Variants in CARMIL1 observed in about 807,000 individuals in gnomAD.
CARMIL1 encodes the protein F-actin-uncapping protein LRRC16A.
In CARMIL1, 90 loss-of-function variants were observed where a neutral mutation model predicts 177.1. The observed-to-expected ratio is 0.51, with a 90% CI of 0.43 to 0.61. CARMIL1 has a LOEUF of 0.61. CARMIL1 is among the 20% of genes least tolerant of loss of function. The pLI is 0.00. For missense variants in CARMIL1, 1,380 were observed against 1,667.0 expected, an observed-to-expected ratio of 0.83 and a Z score of 3.00; for synonymous variants, 577 against 606.2, an observed-to-expected ratio of 0.95 and a Z score of 0.71.
At chr6:25,546,715 A>C (rs1744251333) in intron 26 of CARMIL1, among the ~76,000 whole-genome samples, 1 of 151,668 alleles carries the variant, frequency 6.6e-6, no homozygotes, top group South Asian at 2.1e-4. Flanking sequence ...TGTCAGCAAC[A>C]ACTAGTTAGA....
chr6:25,488,871 C>G (rs1802925205), intron 13 of CARMIL1, among the ~76,000 whole-genome samples: 1 of 151,852 alleles, frequency 6.6e-6, no homozygotes, highest in African/African-American at 2.4e-5. Context: ...CATTTAAAAA[C>G]ATTAGCTTAC....
chr6:25,326,159 C>T lies in CARMIL1; in HGVS notation c.138+41250C>T, dbSNP rs567400536. 6.6e-5 allele frequency among the ~76,000 whole-genome samples: 10 copies of T among 152,236 alleles called. No individual in the cohort carries two copies. In the East Asian group the frequency reaches 7.7e-4, roughly 12 times the overall value. On this transcript the variant is annotated intron_variant, in intron 2 of 36. Coordinates refer to ENST00000329474, the MANE Select transcript of CARMIL1 (RefSeq NM_017640.6). The surrounding 1 kb of genome is among the most constrained non-coding windows in gnomAD (Gnocchi z 4.2). ...CTGGGATTACAGGCGTGAGCCACTG[C>T]GCTCGGCCTAGATGAGACATTTTTG...
rs74858699 is a variant in CARMIL1, at chr6:25,308,377, A to T, written c.138+23468A>T. 5.7e-3 allele frequency among the ~76,000 whole-genome samples: 673 copies of T among 118,818 alleles called. 3 individuals are homozygous for T. The highest frequency in any genetic ancestry group is 0.017 in the African/African-American group (509 of 30,586). The allele number at this position is 118,818 out of a possible 152,430, so 77.9% of individuals were successfully genotyped here. A position where few individuals can be genotyped will look rare whatever the true frequency, so the allele number is the denominator to read the frequency against. On this transcript the variant is annotated intron_variant, in intron 2 of 36. Coordinates refer to ENST00000329474, the MANE Select transcript of CARMIL1 (RefSeq NM_017640.6). The stretch of plus-strand genomic sequence containing the variant: ...CCGTGAGAAGGACTATTGTACAACC[A>T]TTTTTTTTTTTTTTTTTTTTTTGAG...
chr6:25,478,847 A>G (rs571849182), intron 11 of CARMIL1, among the ~76,000 whole-genome samples: 136 of 151,520 alleles, frequency 9.0e-4, no homozygotes, highest in African/African-American at 3.2e-3. Context: ...TAAAAGTTGG[A>G]AGTATTGACT....
At chr6:25,414,506 T>C (rs1795201169) in intron 2 of CARMIL1, among the ~76,000 whole-genome samples, 1 of 152,176 alleles carries the variant, frequency 6.6e-6, no homozygotes, top group Non-Finnish European at 1.5e-5. Flanking sequence ...GTGTGTGTAC[T>C]ATAAATCCTC....
chr6:25,329,616 A>G (rs1785424953), intron 2 of CARMIL1, among the ~76,000 whole-genome samples: 1 of 152,244 alleles, frequency 6.6e-6, no homozygotes, highest in Non-Finnish European at 1.5e-5. Context: ...GATATGGCTG[A>G]GAGGAAGCAC....
At chr6:25,471,855 G>A (rs1286498036) in intron 10 of CARMIL1, among the ~76,000 whole-genome samples, 1 of 152,130 alleles carries the variant, frequency 6.6e-6, no homozygotes, top group Non-Finnish European at 1.5e-5. Flanking sequence ...ACTGTTAAGA[G>A]CATAAGAGTT....
chr6:25,474,389 A>G (rs1403475970), intron 11 of CARMIL1, among the ~76,000 whole-genome samples: 1 of 152,102 alleles, frequency 6.6e-6, no homozygotes, highest in East Asian at 1.9e-4. Context: ...TGCTGGGATT[A>G]CAGGCGTGAG....
At position 25,510,574 on chromosome 6, in the gene CARMIL1, G is replaced by A. The variant is rs779890491; in HGVS notation, c.1545G>A (p.Ala515=). Residue 515 remains alanine, a synonymous_variant, in exon 19 of 37, where the codon GCG becomes GCA. Coordinates refer to ENST00000329474, the MANE Select transcript of CARMIL1 (RefSeq NM_017640.6). ...LSKNRSIQHL[A]LGKNFNNMKS... Reference sequence around the variant, plus strand: ...AAAACAGATCAATACAACACCTGGCGTTAGGCAAAAATTTTAATAATATGA... The same window carrying A: ...AAAACAGATCAATACAACACCTGGCATTAGGCAAAAATTTTAATAATATGA... 1.8e-5 allele frequency: 28 copies of A among 1,554,980 alleles called. No homozygotes were observed. Among genetic ancestry groups the A allele is most frequent in the East Asian group, 1.2e-4 (5 of 41,782 alleles).
intron 5 of CARMIL1, among the ~76,000 whole-genome samples, chr6:25,445,582 T>C (rs1053498655): frequency 6.6e-6 from 1 of 151,200 alleles, no homozygotes; most frequent in African/African-American, 2.4e-5. Flanking sequence ...TTACCCAGGC[T>C]GGAGTGCAGT....
chr6:25,449,394 G>T (rs371791856), intron 5 of CARMIL1, among the ~76,000 whole-genome samples: 70 of 152,292 alleles, frequency 4.6e-4, no homozygotes, highest in African/African-American at 1.5e-3. Context: ...AGGATGGGGG[G>T]TTGGGAGGAG....
chr6:25,556,604 C>A, intron 28 of CARMIL1, 97 bp from the exon 29 acceptor site: 2 of 1,124,104 alleles, frequency 1.8e-6, no homozygotes, highest in Non-Finnish European at 2.5e-6. Flanking sequence ...GCTTTGTGCT[C>A]CACTGCGCCA....
intron 2 of CARMIL1, among the ~76,000 whole-genome samples, chr6:25,333,556 A>T (rs558458227): frequency 2.2e-4 from 33 of 152,342 alleles, no homozygotes; most frequent in African/African-American, 7.5e-4. Flanking sequence ...ACAGAGCAAG[A>T]CACTGTGTAA....
chr6:25,341,443 G>A (rs1786925549), intron 2 of CARMIL1, among the ~76,000 whole-genome samples: 1 of 152,218 alleles, frequency 6.6e-6, no homozygotes, highest in African/African-American at 2.4e-5. Context: ...CAGAATGCCG[G>A]CTGAGCATGG....
chr6:25,438,286 A>AT (rs1797404330), intron 5 of CARMIL1, among the ~76,000 whole-genome samples: 1 of 152,094 alleles, frequency 6.6e-6, no homozygotes, highest in Non-Finnish European at 1.5e-5. Flanking sequence ...CTATTTATTG[A>AT]TTTTCTACTA....
chr6:25,610,279 G>A (rs962109299), intron 36 of CARMIL1, 98 bp downstream of exon 36: 1 of 1,343,814 alleles, frequency 7.4e-7, no homozygotes, highest in Non-Finnish European at 9.7e-7. Context: ...TAATATCTTA[G>A]AGTTTGTTAA....
At chr6:25,327,369 G>A (rs142275095) in intron 2 of CARMIL1, among the ~76,000 whole-genome samples, 27 of 152,280 alleles carry the variant, frequency 1.8e-4, no homozygotes, top group African/African-American at 6.5e-4. Context: ...ATGATGAAGC[G>A]GAGATTTGTA....
intron 2 of CARMIL1, among the ~76,000 whole-genome samples, chr6:25,399,678 G>C (rs1793727203): frequency 6.6e-6 from 1 of 152,156 alleles, no homozygotes; most frequent in African/African-American, 2.4e-5. Flanking sequence ...TCTGTGTGGG[G>C]CCTTCATGTA....
At chr6:25,458,951 T>A (rs1329890941) in intron 8 of CARMIL1, among the ~76,000 whole-genome samples, 1 of 152,180 alleles carries the variant, frequency 6.6e-6, no homozygotes, top group Non-Finnish European at 1.5e-5. Flanking sequence ...TCCTTTTTTT[T>A]AAATGAACAA....
Sources: allele counts gnomAD v4.1 joint callset (sites outside exome capture counted in the v4.1 genomes callset), GRCh38; gene constraint gnomAD v4.1.1; non-coding constraint Gnocchi (gnomAD v3.1); transcripts MANE v1.5; gene names NCBI Gene and HGNC (gene_info 2026-07-23, HGNC 2026-07-21).